FFAR3: variants seen among roughly 807,000 people sequenced by gnomAD.
FFAR3 encodes the protein free fatty acid receptor 3, also known as G-protein coupled receptor 41.
For missense variants in FFAR3, 136 were observed against 446.5 expected (o/e 0.30, Z 6.27); for synonymous variants, 68 against 201.1 (o/e 0.34, Z 5.60).
chr19:35,358,406 AGCATCCCAGCTGAGACT>A, upstream of FFAR3: 1 of 1,033,118 alleles, frequency 9.7e-7, no homozygotes, highest in Non-Finnish European at 1.2e-6. Context: ...GCCTGCTTAG[AGCATCCCAGCTGAGACT>A]GCATGAGGAG....
chr19:35,358,362 A>C (rs2035991407), upstream of FFAR3: 1 of 623,696 alleles, frequency 1.6e-6, no homozygotes, highest in Non-Finnish European at 2.0e-6. Context: ...GACAAAATTC[A>C]AGTGAAGAAG....
chr19:35,359,989 A>T lies in FFAR3; in HGVS notation c.*58A>T. 2.3e-6 allele frequency: 2 copies of T among 871,920 alleles called. No individual in the cohort carries two copies. The allele number at this position is 871,920 out of a possible 1,614,324, so 54.0% of individuals were successfully genotyped here. A position where few individuals can be genotyped will look rare whatever the true frequency, so the allele number is the denominator to read the frequency against. Reference sequence around the variant, plus strand: ...TCATCCTCAGGGCGCTTCCTCGCTCACGCCAGGAGGGACTTGGAGTGGCGA... The same window carrying T: ...TCATCCTCAGGGCGCTTCCTCGCTCTCGCCAGGAGGGACTTGGAGTGGCGA... On this transcript the variant is annotated 3_prime_UTR_variant, in exon 2 of 2. Transcript: ENST00000327809.
chr19:35,358,539 T>C lies in FFAR3; in HGVS notation c.-122T>C, dbSNP rs558280055. 5.5e-6 allele frequency: 7 copies of C among 1,281,544 alleles called. No homozygotes were observed. Among genetic ancestry groups the C allele is most frequent in the Non-Finnish European group, 7.0e-6 (7 of 1,002,920 alleles). The allele number at this position is 1,281,544 out of a possible 1,614,324, so 79.4% of individuals were successfully genotyped here. On this transcript the variant is annotated 5_prime_UTR_variant, in exon 1 of 2. The change abolishes an upstream ATG in the 5' untranslated region. Transcript: ENST00000327809. Reference sequence around the variant, plus strand: ...CACTGCTCAACAGTGAGTGACGTCATGGGCACGGCCAGGTCTTTATCAGTT... The same window carrying C: ...CACTGCTCAACAGTGAGTGACGTCACGGGCACGGCCAGGTCTTTATCAGTT...
At position 35,358,922 on chromosome 19, in the gene FFAR3, C is replaced by G; in HGVS notation, c.32C>G (p.Ser11Cys). 1.3e-6 allele frequency: 2 copies of G among 1,598,452 alleles called. No homozygotes were observed. Among genetic ancestry groups the G allele is most frequent in the East Asian group, 2.2e-5 (1 of 44,642 alleles). Residue 11 changes from serine to cysteine, a missense_variant, in exon 2 of 2, where the codon TCC (serine) becomes TGC (cysteine). Coordinates refer to ENST00000327809, the MANE Select transcript of FFAR3 (RefSeq NM_005304.5). MDTGPDQSYF[S>C]GNHWFVFSVY... Reference sequence around the variant, plus strand: ...ACAGGCCCCGACCAGTCCTACTTCTCCGGCAATCACTGGTTCGTCTTCTCG... The same window carrying G: ...ACAGGCCCCGACCAGTCCTACTTCTGCGGCAATCACTGGTTCGTCTTCTCG...
chr19:35,358,281 C>T (rs143244108), upstream of FFAR3: 1,181 of 163,076 alleles, frequency 7.2e-3, 7 homozygotes, highest in Non-Finnish European at 0.011. Flanking sequence ...TCACGGAGCT[C>T]GCTCTCTGTC....
In FFAR3 at chr19:35,359,069, C is replaced by A. The variant is rs765904411; in HGVS notation, c.179C>A (p.Ser60Ter). ...GTGCTCCTGCTCAACCTGACCGCCT[C>A]GGACCTGCTCCTGCTGCTGTTCCTG... is the stretch of plus-strand genomic sequence containing the variant. Reference protein sequence around the residue: ...VDVLLLNLTASDLLLLLFLPF... With the variant: ...VDVLLLNLTA Residue 60 changes from serine (S) to a stop codon, truncating the protein, a stop_gained, in exon 2 of 2, where the codon TCG (serine) becomes TAG (stop). Coordinates refer to ENST00000327809, the MANE Select transcript of FFAR3 (RefSeq NM_005304.5). LOFTEE classifies it low-confidence loss of function (END_TRUNC). 6.2e-7 allele frequency: 1 copy of A among 1,611,646 alleles called. No individual in the cohort carries two copies. The highest frequency in any genetic ancestry group is 2.2e-5 in the East Asian group (1 of 44,872).
upstream of FFAR3, among the ~76,000 whole-genome samples, chr19:35,358,158 C>T (rs964237200): frequency 5.9e-5 from 9 of 152,118 alleles, no homozygotes; most frequent in African/African-American, 1.9e-4. Flanking sequence ...TGTGTTAATG[C>T]GTTGATCTAT....
rs2066988911 is a variant in FFAR3, at chr19:35,360,338, G to A, written c.*407G>A. ...GCTCCCAGCCAGCGAGTCAGGAGCGGGGGAGACAGGGCTCCAGGGATGAGG... is the reference window on the plus strand; with the variant it reads ...GCTCCCAGCCAGCGAGTCAGGAGCGAGGGAGACAGGGCTCCAGGGATGAGG... On this transcript the variant is annotated 3_prime_UTR_variant, in exon 2 of 2. Transcript: ENST00000327809. 1 of 246,694 alleles carries A rather than the reference G, an allele frequency of 4.1e-6. No individual in the cohort carries two copies. The highest frequency in any genetic ancestry group is 2.7e-5 in the African/African-American group (1 of 36,928). 15.3% of individuals were successfully genotyped at this position (246,694 alleles called of 1,614,324 possible). A position where few individuals can be genotyped will look rare whatever the true frequency, so the allele number is the denominator to read the frequency against.
At position 35,359,350 on chromosome 19, in the gene FFAR3, G is replaced by C. The variant is rs1216736694; in HGVS notation, c.460G>C (p.Glu154Gln). 1.2e-6 allele frequency: 2 copies of C among 1,613,412 alleles called. No individual in the cohort carries two copies. The highest frequency in any genetic ancestry group is 2.7e-5 in the African/African-American group (2 of 74,938). Reference protein sequence around the residue: ...SAHCSVVYVIEFSGDISHSQG... With the variant: ...SAHCSVVYVIQFSGDISHSQG... ...TCACTGCAGCGTGGTCTACGTCATA[G>C]AATTCTCAGGGGACATCTCCCACAG... Residue 154 changes from glutamate (E) to glutamine (Q), a missense_variant, in exon 2 of 2, where the codon GAA (glutamate) becomes CAA (glutamine). Glu to Gln is a conservative substitution (Grantham distance 29). Coordinates refer to ENST00000327809, the MANE Select transcript of FFAR3 (RefSeq NM_005304.5).
rs2066978436 is a variant in FFAR3 at position 35,359,106 on chromosome 19, G to A, written c.216G>A (p.Met72Ile). The change falls in exon 2 of 2, where the codon ATG becomes ATA. Residue 72 changes from methionine to isoleucine, a missense_variant. Transcript: ENST00000327809. Reference sequence around the variant, plus strand: ...TGCTGCTGTTCCTGCCTTTCCGCATGGTGGAGGCAGCCAATGGCATGCACT... The same window carrying A: ...TGCTGCTGTTCCTGCCTTTCCGCATAGTGGAGGCAGCCAATGGCATGCACT... ...LLLLLFLPFR[M>I]VEAANGMHWP... 6.2e-7 allele frequency: 1 copy of A among 1,608,306 alleles called. No homozygotes were observed. Among genetic ancestry groups the A allele is most frequent in the Admixed American group, 1.7e-5 (1 of 59,808 alleles).
At chr19:35,358,389 G>A (rs903628408), upstream of FFAR3, 175 of 874,520 alleles carry the variant, frequency 2.0e-4, no homozygotes, top group Non-Finnish European at 2.2e-4. Context: ...GGAAGACGTC[G>A]GCTGGGGCCT....
In FFAR3 at chr19:35,360,300, C is replaced by T. The variant is rs1353180527; in HGVS notation, c.*369C>T. The T allele has an allele frequency of 2.6e-6, 1 of 382,658 alleles. No individual in the cohort carries two copies. Among genetic ancestry groups the T allele is most frequent in the Non-Finnish European group, 5.2e-6 (1 of 193,810 alleles). 23.7% of individuals were successfully genotyped at this position (382,658 alleles called of 1,614,324 possible). On this transcript the variant is annotated 3_prime_UTR_variant, in exon 2 of 2. Coordinates refer to ENST00000327809, the MANE Select transcript of FFAR3 (RefSeq NM_005304.5). Reference sequence around the variant, plus strand: ...GCAGGGGCAGGAGAGGGGAGAACCCCATCCTCAGAGCTGCTCCCAGCCAGC... The same window carrying T: ...GCAGGGGCAGGAGAGGGGAGAACCCTATCCTCAGAGCTGCTCCCAGCCAGC...
In FFAR3 at chr19:35,358,484, C is replaced by T; in HGVS notation, c.-177C>T. The T allele has an allele frequency of 1.2e-5, 14 of 1,165,186 alleles. No homozygotes were observed. Among genetic ancestry groups the T allele is most frequent in the Non-Finnish European group, 1.4e-5 (13 of 937,532 alleles). The allele number at this position is 1,165,186 out of a possible 1,614,324, so 72.2% of individuals were successfully genotyped here. On this transcript the variant is annotated 5_prime_UTR_variant, in exon 1 of 2. Transcript: ENST00000327809. ...TCCCCTTTTAGCATGCTGACCAGCC[C>T]TGGCAACGGAGCTCAAGGCATCTAT...
Position 35,358,946 on chromosome 19 carries a change from C to G in FFAR3, c.56C>G (p.Ser19Trp), listed in dbSNP as rs751901197. Residue 19 changes from serine to tryptophan, a missense_variant, in exon 2 of 2, where the codon TCG becomes TGG. Transcript: ENST00000327809. Reference protein sequence around the residue: ...YFSGNHWFVFSVYLLTFLVGL... With the variant: ...YFSGNHWFVFWVYLLTFLVGL... The stretch of plus-strand genomic sequence containing the variant: ...TCCGGCAATCACTGGTTCGTCTTCT[C>G]GGTGTACCTTCTCACTTTCCTGGTG... The G allele has an allele frequency of 2.5e-6, 4 of 1,604,904 alleles. No homozygotes were observed. The highest frequency in any genetic ancestry group is 1.7e-4 in the Middle Eastern group (1 of 6,010).
chr19:35,358,839 A>T, intron 1 of FFAR3, 41 bp from the exon 2 acceptor site: 1 of 1,462,736 alleles, frequency 6.8e-7, no homozygotes, highest in Admixed American at 1.8e-5. Context: ...AGAGGCCGTT[A>T]GGGCCCCCAC....
rs1163876939 is a variant in FFAR3, at chr19:35,360,213, C to T, written c.*282C>T. On this transcript the variant is annotated 3_prime_UTR_variant, in exon 2 of 2. Coordinates refer to ENST00000327809, the MANE Select transcript of FFAR3 (RefSeq NM_005304.5). ...TAGCAGCAGGCAGCTCCTGTGTTTT[C>T]TTGAGGGTGGCAGAGGAGCTAAGAG... 5.7e-6 allele frequency: 3 copies of T among 522,604 alleles called. No individual in the cohort carries two copies. Among genetic ancestry groups the T allele is most frequent in the Non-Finnish European group, 1.1e-5 (3 of 278,270 alleles). 32.4% of individuals were successfully genotyped at this position (522,604 alleles called of 1,614,324 possible).
At chr19:35,358,191 C>G (rs1448556711), upstream of FFAR3, among the ~76,000 whole-genome samples, 1 of 152,224 alleles carries the variant, frequency 6.6e-6, no homozygotes, top group Non-Finnish European at 1.5e-5. Flanking sequence ...ATGATGAGCT[C>G]TGTTCTGCAG....
rs10425675 is a variant in FFAR3, at chr19:35,360,012, C to T, written c.*81C>T. ...TCACGCCAGGAGGGACTTGGAGTGG[C>T]GAGCTGGGGCCCGATGGGGCTTGGG... On this transcript the variant is annotated 3_prime_UTR_variant, in exon 2 of 2. Transcript: ENST00000327809. The T allele has an allele frequency of 0.13, 86,966 of 670,990 alleles. 1,506 individuals carry two copies. Among genetic ancestry groups the T allele is most frequent in the Admixed American group, 0.19 (6,660 of 34,474 alleles). 41.6% of individuals were successfully genotyped at this position (670,990 alleles called of 1,614,324 possible). A position where few individuals can be genotyped will look rare whatever the true frequency, so the allele number is the denominator to read the frequency against.
At position 35,359,440 on chromosome 19, in the gene FFAR3, G is replaced by A. The variant is rs377320729; in HGVS notation, c.550G>A (p.Val184Met). 151 of 1,613,958 alleles carry A rather than the reference G, an allele frequency of 9.4e-5. No homozygotes were observed. The highest frequency in any genetic ancestry group is 3.8e-4 in the South Asian group (35 of 91,078). The change falls in exon 2 of 2, where the codon GTG becomes ATG. Residue 184 changes from valine to methionine, a missense_variant. Val to Met is a conservative substitution (Grantham distance 21). Transcript: ENST00000327809. ...RKDQLAILLP[V>M]RLEMAVVLFV... is the part of the protein sequence containing the mutation. Reference sequence around the variant, plus strand: ...GGACCAGCTAGCCATCCTCCTGCCCGTGCGGCTGGAGATGGCTGTGGTCCT... The same window carrying A: ...GGACCAGCTAGCCATCCTCCTGCCCATGCGGCTGGAGATGGCTGTGGTCCT...
Sources: gnomAD v4.1 joint callset for allele counts (sites outside exome capture counted in the v4.1 genomes callset) on GRCh38, gnomAD v4.1.1 for gene constraint, MANE v1.5 for transcripts, NCBI Gene and HGNC (gene_info 2026-07-23, HGNC 2026-07-21) for gene names.